GBA2: variants seen among roughly 807,000 people sequenced by gnomAD.
GBA2 encodes non-lysosomal glucosylceramidase.
In GBA2, 79 loss-of-function variants were observed where a neutral mutation model predicts 112.9. That is an observed-to-expected ratio of 0.70 (90% CI 0.58 to 0.84). GBA2 has a LOEUF of 0.84. Among genes scored for constraint, GBA2 ranks in the 40% least tolerant of loss-of-function variants. GBA2 has a pLI of 0.00. For synonymous variants in GBA2, 403 were observed against 434.3 expected, an observed-to-expected ratio of 0.93 and a Z score of 0.90; for missense variants, 1,043 against 1,190.0, an observed-to-expected ratio of 0.88 and a Z score of 1.82.
In GBA2 at chr9:35,741,876, C is replaced by T. The variant is rs1307414200; in HGVS notation, c.582G>A (p.Leu194=). Residue 194 remains leucine, a synonymous_variant, in exon 4 of 17, where the codon CTG becomes CTA. Coordinates refer to ENST00000378103, the MANE Select transcript of GBA2 (RefSeq NM_020944.3). This position sits in a 1 kb window ranked among gnomAD's most constrained non-coding sequence, Gnocchi z 4.6. ...TVIADQFTVC[L]RREGQTVYQQ... ...GGTACACAGTCTGCCCTTCCCGACGCAGGCACACTGTGAACTTAAGAGGGC... is the reference window on the plus strand; with the variant it reads ...GGTACACAGTCTGCCCTTCCCGACGTAGGCACACTGTGAACTTAAGAGGGC... The T allele has an allele frequency of 1.2e-6, 2 of 1,613,502 alleles. No homozygotes were observed. The highest frequency in any genetic ancestry group is 1.7e-5 in the Admixed American group (1 of 60,026).
At chr9:35,745,693 G>C (rs1012169464) in intron 1 of GBA2, among the ~76,000 whole-genome samples, 1 of 152,152 alleles carries the variant, frequency 6.6e-6, no homozygotes, top group African/African-American at 2.4e-5. Flanking sequence ...GTTTTCAATA[G>C]GCAAACGATT....
chr9:35,748,772 G>C lies in GBA2; in HGVS notation c.-68C>G. On this transcript the variant is annotated 5_prime_UTR_variant, in exon 1 of 17. Coordinates refer to ENST00000378103, the MANE Select transcript of GBA2 (RefSeq NM_020944.3). ...TCTCGCCAGCCTATTCCAGATGCGG[G>C]CGCCGGTCGTTGTTAGGTATCGTCC... The C allele has an allele frequency of 9.8e-7, 1 of 1,018,518 alleles. No individual in the cohort carries two copies. Among genetic ancestry groups the C allele is most frequent in the South Asian group, 1.7e-5 (1 of 58,406 alleles). The allele number at this position is 1,018,518 out of a possible 1,614,324, so 63.1% of individuals were successfully genotyped here.
At position 35,737,885 on chromosome 9, in the gene GBA2, C is replaced by G; in HGVS notation, c.2368G>C (p.Val790Leu). 6.2e-7 allele frequency: 1 copy of G among 1,613,600 alleles called. No individual in the cohort carries two copies. Among genetic ancestry groups the G allele is most frequent in the Non-Finnish European group, 8.5e-7 (1 of 1,180,008 alleles). Reference protein sequence around the residue: ...RALQTIFELNVQAFAGGAMGA... With the variant: ...RALQTIFELNLQAFAGGAMGA... The stretch of plus-strand genomic sequence containing the variant: ...ATGGCCCCTCCTGCAAAGGCCTGGA[C>G]GTTCAGCTCAAAGATAGTTTGGAGA... The change falls in exon 16 of 17, where the codon GTC becomes CTC. Residue 790 changes from valine to leucine, a missense_variant. Val to Leu is a conservative substitution (Grantham distance 32). Transcript: ENST00000378103. This position sits in a 1 kb window ranked among gnomAD's most constrained non-coding sequence, Gnocchi z 4.1.
At position 35,737,175 on chromosome 9, in the gene GBA2, T is replaced by G. The variant is rs777114371; in HGVS notation, c.2778A>C (p.Pro926=). The part of the protein sequence containing the change: ...GPKEAMANLS[P]E ...CTCCCACAGTTCAGACGGCTCACTC[T>G]GGGCTCAGGTTTGCCATGGCTTCCT... is the stretch of plus-strand genomic sequence containing the variant. Residue 926 remains proline, a synonymous_variant, in exon 17 of 17, where the codon CCA becomes CCC. Transcript: ENST00000378103. The surrounding 1 kb of genome is among the most constrained non-coding windows in gnomAD (Gnocchi z 4.1). 7.4e-5 allele frequency: 118 copies of G among 1,604,910 alleles called. No homozygotes were observed. Among genetic ancestry groups the G allele is most frequent in the Non-Finnish European group, 9.5e-5 (112 of 1,179,130 alleles).
intron 1 of GBA2, among the ~76,000 whole-genome samples, chr9:35,745,874 T>C (rs1323160289): frequency 4.6e-5 from 7 of 152,222 alleles, no homozygotes; most frequent in African/African-American, 1.7e-4. Context: ...ACACCACTTC[T>C]AACCAAATAA....
In GBA2 at chr9:35,737,157, A is replaced by C. The variant is rs1233912055; in HGVS notation, c.*12T>G. The C allele has an allele frequency of 6.9e-6, 11 of 1,597,328 alleles. No homozygotes were observed. Among genetic ancestry groups the C allele is most frequent in the African/African-American group, 2.7e-5 (2 of 74,794 alleles). ...TGGGCTGTTAGCACTTCCCTCCCAC[A>C]GTTCAGACGGCTCACTCTGGGCTCA... On this transcript the variant is annotated 3_prime_UTR_variant, in exon 17 of 17. Transcript: ENST00000378103. The surrounding 1 kb of genome is among the most constrained non-coding windows in gnomAD (Gnocchi z 4.1).
Position 35,739,398 on chromosome 9 carries a change from T to G in GBA2, c.1604A>C (p.Asn535Thr). The change falls in exon 10 of 17, where the codon AAC (asparagine) becomes ACC (threonine). Residue 535 changes from asparagine (N) to threonine (T), a missense_variant. Transcript: ENST00000378103. ...YLEGQEYRMYNTYDVHFYASF... is the reference protein window; with the variant it reads ...YLEGQEYRMYTTYDVHFYASF... ...AGCATAAAAGTGGACATCATATGTG[T>G]TGTACATGCGGTACTCCTGGCCTGG... 6.2e-7 allele frequency: 1 copy of G among 1,612,416 alleles called. No homozygotes were observed. Among genetic ancestry groups the G allele is most frequent in the East Asian group, 2.2e-5 (1 of 44,880 alleles).
Position 35,740,921 on chromosome 9 carries a change from G to A in GBA2, c.930C>T (p.Phe310=). The change falls in exon 5 of 17, where the codon TTC becomes TTT. Residue 310 remains phenylalanine (F), a synonymous_variant. Transcript: ENST00000378103. The surrounding 1 kb of genome is among the most constrained non-coding windows in gnomAD (Gnocchi z 4.7). The part of the protein sequence containing the change: ...DAPGGLWNEP[F]CLERSGETVR... The stretch of plus-strand genomic sequence containing the variant: ...CAGTTTCCCCGCTACGCTCCAGACA[G>A]AAGGGCTCATTCCACAAACCCCCTG... 1 of 1,614,136 alleles carries A rather than the reference G, an allele frequency of 6.2e-7. No homozygotes were observed. Among genetic ancestry groups the A allele is most frequent in the East Asian group, 2.2e-5 (1 of 44,884 alleles).
rs1440361151 is a variant in GBA2, at chr9:35,737,602, G to A, written c.2505+146C>T. 1.3e-6 allele frequency: 2 copies of A among 1,566,772 alleles called. No homozygotes were observed. The highest frequency in any genetic ancestry group is 2.7e-5 in the African/African-American group (2 of 73,730). On this transcript the variant is annotated intron_variant, in intron 16 of 16. Transcript: ENST00000378103. The surrounding 1 kb of genome is among the most constrained non-coding windows in gnomAD (Gnocchi z 4.1). ...CCCACAGACAGAAGCCTGAAGGCAGGAGCTGGAATGCATACCAGGGAAAAA... is the reference window on the plus strand; with the variant it reads ...CCCACAGACAGAAGCCTGAAGGCAGAAGCTGGAATGCATACCAGGGAAAAA...
At position 35,748,722 on chromosome 9, in the gene GBA2, GT is replaced by G. The variant is rs112251899; in HGVS notation, c.-19del. Reference sequence around the variant, plus strand: ...GTCCCCATGACCTCGATGGCGCCAAGTCCCGAGCCCTCGGATACTAAGTATC... The same window carrying G: ...GTCCCCATGACCTCGATGGCGCCAAGCCCGAGCCCTCGGATACTAAGTATC... On this transcript the variant is annotated 5_prime_UTR_variant, in exon 1 of 17. Coordinates refer to ENST00000378103, the MANE Select transcript of GBA2 (RefSeq NM_020944.3). The G allele has an allele frequency of 2.2e-5, 32 of 1,446,650 alleles. No homozygotes were observed. In the African/African-American group the frequency reaches 2.4e-4, roughly 11 times the overall value. 89.6% of individuals were successfully genotyped at this position (1,446,650 alleles called of 1,614,324 possible). A position where few individuals can be genotyped will look rare whatever the true frequency, so the allele number is the denominator to read the frequency against.
Position 35,741,346 on chromosome 9 carries a change from G to C in GBA2, c.787-282C>G, listed in dbSNP as rs560895424. The stretch of plus-strand genomic sequence containing the variant: ...GTTTCTTTTTTTTTTTTTTTGGGGG[G>C]TGCGGTGGCGCAATCTCGGCTCACT... On this transcript the variant is annotated intron_variant, in intron 4 of 16. Coordinates refer to ENST00000378103, the MANE Select transcript of GBA2 (RefSeq NM_020944.3). This position sits in a 1 kb window ranked among gnomAD's most constrained non-coding sequence, Gnocchi z 4.6. 2.1e-4 allele frequency: 109 copies of C among 518,430 alleles called. 1 individual carries two copies. In the Middle Eastern group the frequency reaches 2.6e-3, roughly 12 times the overall value. 32.1% of individuals were successfully genotyped at this position (518,430 alleles called of 1,614,324 possible).
At position 35,740,005 on chromosome 9, in the gene GBA2, C is replaced by G. The variant is rs779248937; in HGVS notation, c.1402G>C (p.Asp468His). 2 of 1,614,096 alleles carry G rather than the reference C, an allele frequency of 1.2e-6. No individual in the cohort carries two copies. Among genetic ancestry groups the G allele is most frequent in the South Asian group, 2.2e-5 (2 of 91,070 alleles). ...RISAWQSPVL[D>H]DRSLPAWYKS... Reference sequence around the variant, plus strand: ...AATGGGCCCCACTGGCACCTGTCATCCAATACCGGGCTCTGCCAAGCTGAG... The same window carrying G: ...AATGGGCCCCACTGGCACCTGTCATGCAATACCGGGCTCTGCCAAGCTGAG... The change falls in exon 8 of 17, where the codon GAT becomes CAT. Residue 468 changes from aspartate (D) to histidine (H), a missense_variant. By Grantham distance (81) the Asp-to-His change is moderately conservative (BLOSUM62 -1). Transcript: ENST00000378103. This position sits in a 1 kb window ranked among gnomAD's most constrained non-coding sequence, Gnocchi z 4.7.
In GBA2 at chr9:35,737,233, G is replaced by C. The variant is rs764591465; in HGVS notation, c.2720C>G (p.Thr907Arg). Residue 907 changes from threonine to arginine, a missense_variant, in exon 17 of 17, where the codon ACA becomes AGA. Coordinates refer to ENST00000378103, the MANE Select transcript of GBA2 (RefSeq NM_020944.3). The surrounding 1 kb of genome is among the most constrained non-coding windows in gnomAD (Gnocchi z 4.1). ...KASWPKVKQG[T>R]GLRTGPMFGP... ...AAACATAGGCCCTGTCCTTAGTCCT[G>C]TGCCCTGTTTGACTTTTGGCCAGGA... The C allele has an allele frequency of 1.2e-6, 2 of 1,613,462 alleles. No homozygotes were observed. The highest frequency in any genetic ancestry group is 1.1e-5 in the South Asian group (1 of 91,084).
In GBA2 at chr9:35,739,775, C is replaced by T; in HGVS notation, c.1435G>A (p.Ala479Thr). 6.2e-7 allele frequency: 1 copy of T among 1,614,058 alleles called. No homozygotes were observed. The highest frequency in any genetic ancestry group is 8.5e-7 in the Non-Finnish European group (1 of 1,179,966). Residue 479 changes from alanine (A) to threonine (T), a missense_variant, in exon 9 of 17, where the codon GCG (alanine) becomes ACG (threonine). Transcript: ENST00000378103. ...DRSLPAWYKSALFNELYFLAD... is the reference protein window; with the variant it reads ...DRSLPAWYKSTLFNELYFLAD... ...AGGAAGTATAGTTCATTGAACAGCG[C>T]AGATTTGTACCAGGCAGGCAGTGAT... is the stretch of plus-strand genomic sequence containing the variant.
In GBA2 at chr9:35,738,387, ATG is replaced by A; in HGVS notation, c.2055-15_2055-14del. The A allele has an allele frequency of 6.2e-7, 1 of 1,612,778 alleles. No homozygotes were observed. The highest frequency in any genetic ancestry group is 8.5e-7 in the Non-Finnish European group (1 of 1,179,148). On this transcript the variant is annotated splice_polypyrimidine_tract_variant and intron_variant, in intron 13 of 16. Transcript: ENST00000378103. ...TCCACAGTAAGCACTGATCAGGGACATGGGTTTGGGGGTCAGACTGGCAGCTC... is the reference window on the plus strand; with the variant it reads ...TCCACAGTAAGCACTGATCAGGGACAGGTTTGGGGGTCAGACTGGCAGCTC...
chr9:35,740,168 C>G lies in GBA2; in HGVS notation c.1283+41G>C. On this transcript the variant is annotated intron_variant, in intron 7 of 16. Transcript: ENST00000378103. The surrounding 1 kb of genome is among the most constrained non-coding windows in gnomAD (Gnocchi z 4.7). ...GATGAACACAAGCCCCAGGTCAGAG[C>G]CCCAGCACTCTGGATCCTTACACTT... is the stretch of plus-strand genomic sequence containing the variant. The G allele has an allele frequency of 6.2e-7, 1 of 1,613,948 alleles. No homozygotes were observed. Among genetic ancestry groups the G allele is most frequent in the Non-Finnish European group, 8.5e-7 (1 of 1,179,856 alleles).
intron 9 of GBA2, 81 bp downstream of exon 9, chr9:35,739,546 TA>T: frequency 7.1e-7 from 1 of 1,405,164 alleles, no homozygotes; most frequent in Non-Finnish European, 1.0e-6. Context: ...CCCCTCATCC[TA>T]ACCAATACCC....
At position 35,737,979 on chromosome 9, in the gene GBA2, C is replaced by A; in HGVS notation, c.2314-40G>T. On this transcript the variant is annotated intron_variant, in intron 15 of 16. Coordinates refer to ENST00000378103, the MANE Select transcript of GBA2 (RefSeq NM_020944.3). The surrounding 1 kb of genome is among the most constrained non-coding windows in gnomAD (Gnocchi z 4.1). ...GCAGGAACATGGTCTCATATACTTA[C>A]TTCCCACCTCCAGGGAAAACCCATT... The A allele has an allele frequency of 6.3e-7, 1 of 1,599,616 alleles. No homozygotes were observed. The highest frequency in any genetic ancestry group is 8.5e-7 in the Non-Finnish European group (1 of 1,171,328).
Position 35,741,289 on chromosome 9 carries a change from A to G in GBA2, c.787-225T>C. 1 of 569,082 alleles carries G rather than the reference A, an allele frequency of 1.8e-6. No homozygotes were observed. Among genetic ancestry groups the G allele is most frequent in the Non-Finnish European group, 3.1e-6 (1 of 323,362 alleles). The allele number at this position is 569,082 out of a possible 1,614,324, so 35.3% of individuals were successfully genotyped here. A position where few individuals can be genotyped will look rare whatever the true frequency, so the allele number is the denominator to read the frequency against. ...GTTCTGGGAAGCCAGTGTGATGTTC[A>G]TGGCTCCAACCTCCCTTTCACAGGC... On this transcript the variant is annotated intron_variant, in intron 4 of 16. Transcript: ENST00000378103. This position sits in a 1 kb window ranked among gnomAD's most constrained non-coding sequence, Gnocchi z 4.6.
Sources: allele counts gnomAD v4.1 joint callset (sites outside exome capture counted in the v4.1 genomes callset), GRCh38; gene constraint gnomAD v4.1.1; non-coding constraint Gnocchi (gnomAD v3.1); transcripts MANE v1.5; gene names NCBI Gene and HGNC (gene_info 2026-07-23, HGNC 2026-07-21).